The following MOCS1 variants were observed in gnomAD, a reference collection of about 807,000 sequenced individuals.
The protein encoded by MOCS1 is molybdenum cofactor biosynthesis protein 1.
In MOCS1, 39 loss-of-function variants were observed where a neutral mutation model predicts 57.6. That is an observed-to-expected ratio of 0.68 (90% confidence interval 0.52 to 0.88). The LOEUF is 0.88. MOCS1 is among the 40% of genes least tolerant of loss of function. The pLI, the probability that MOCS1 is intolerant of heterozygous loss-of-function variation, is 0.00. For missense variants in MOCS1, 795 were observed against 831.1 expected (o/e 0.96, Z 0.53); for synonymous variants, 334 against 335.7 (o/e 1.00, Z 0.05).
rs746692908 is a variant in MOCS1 at position 39,905,879 on chromosome 6, C to T, written c.*478G>A. On this transcript the variant is annotated 3_prime_UTR_variant, in exon 11 of 11. Transcript: ENST00000340692. ...CACAGACTTAGGGAGGCAGAGCTGC[C>T]GGGGAGAAGTTGGGATCCATTCTTC... The T allele has an allele frequency of 1.6e-4, 74 of 469,970 alleles. No homozygotes were observed. Among genetic ancestry groups the T allele is most frequent in the Non-Finnish European group, 2.5e-4 (57 of 227,374 alleles). 29.1% of individuals were successfully genotyped at this position (469,970 alleles called of 1,614,324 possible). A position where few individuals can be genotyped will look rare whatever the true frequency, so the allele number is the denominator to read the frequency against.
intron 3 of MOCS1, among the ~76,000 whole-genome samples, chr6:39,916,958 C>G (rs893573692): frequency 6.6e-6 from 1 of 152,124 alleles, no homozygotes; most frequent in African/African-American, 2.4e-5. Flanking sequence ...TACTACATGT[C>G]AGGGAGGTTG....
rs1451671194 is a variant in MOCS1 at position 39,905,965 on chromosome 6, T to C, written c.*392A>G. ...TCCTCTGCTTAATGAGCGCTTAATC[T>C]CTCCCCAGGAAAGCAGGAGAAGAGA... On this transcript the variant is annotated 3_prime_UTR_variant, in exon 11 of 11. Coordinates refer to ENST00000340692, the MANE Select transcript of MOCS1 (RefSeq NM_001358530.2). 4.3e-6 allele frequency: 2 copies of C among 462,788 alleles called. No homozygotes were observed. Among genetic ancestry groups the C allele is most frequent in the Non-Finnish European group, 8.6e-6 (2 of 231,354 alleles). The allele number at this position is 462,788 out of a possible 1,614,324, so 28.7% of individuals were successfully genotyped here. A position where few individuals can be genotyped will look rare whatever the true frequency, so the allele number is the denominator to read the frequency against.
In MOCS1 at chr6:39,905,332, A is replaced by G. The variant is rs551296619; in HGVS notation, c.*1025T>C. On this transcript the variant is annotated 3_prime_UTR_variant, in exon 11 of 11. Coordinates refer to ENST00000340692, the MANE Select transcript of MOCS1 (RefSeq NM_001358530.2). ...TAGATGGTGCATTTCTATGCCCCCT[A>G]CTCCACTTTATTTTCCCATAGCGGG... The G allele has an allele frequency of 2.2e-6, 1 of 457,110 alleles. No individual in the cohort carries two copies. Among genetic ancestry groups the G allele is most frequent in the South Asian group, 1.5e-5 (1 of 64,534 alleles). The allele number at this position is 457,110 out of a possible 1,614,324, so 28.3% of individuals were successfully genotyped here.
At chr6:39,915,005 C>T (rs971773141) in intron 4 of MOCS1, among the ~76,000 whole-genome samples, 4 of 152,158 alleles carry the variant, frequency 2.6e-5, no homozygotes, top group African/African-American at 9.7e-5. Flanking sequence ...TGAAACCCTC[C>T]AGTTCCTCAA....
In MOCS1 at chr6:39,904,846, T is replaced by C. The variant is rs758177358; in HGVS notation, c.*1511A>G. On this transcript the variant is annotated 3_prime_UTR_variant, in exon 11 of 11. Transcript: ENST00000340692. ...GAATATATTGTAATACTAAAAAATA[T>C]TAAATTCATACCATCCCTACCCAGT... 9 of 454,012 alleles carry C rather than the reference T, an allele frequency of 2.0e-5. No individual in the cohort carries two copies. Among genetic ancestry groups the C allele is most frequent in the South Asian group, 1.4e-4 (9 of 64,472 alleles). 28.1% of individuals were successfully genotyped at this position (454,012 alleles called of 1,614,324 possible). A position where few individuals can be genotyped will look rare whatever the true frequency, so the allele number is the denominator to read the frequency against.
Position 39,906,524 on chromosome 6 carries a change from G to C in MOCS1, c.1744C>G (p.Arg582Gly), listed in dbSNP as rs146849119. The part of the protein sequence containing the change: ...RHAVKIQASC[R>G]ARGPTGVEME... ...TCCACCCCGGTGGGGCCCCGAGCCC[G>C]GCAAGATGCCTGGATCTTCACGGCA... Residue 582 changes from arginine to glycine, a missense_variant, in exon 11 of 11, where the codon CGG (arginine) becomes GGG (glycine). Transcript: ENST00000340692. 1 of 1,613,860 alleles carries C rather than the reference G, an allele frequency of 6.2e-7. No individual in the cohort carries two copies. The highest frequency in any genetic ancestry group is 1.7e-4 in the Middle Eastern group (1 of 6,054).
chr6:39,908,656 C>T (rs1050826986), intron 10 of MOCS1, among the ~76,000 whole-genome samples: 2 of 152,130 alleles, frequency 1.3e-5, no homozygotes, highest in African/African-American at 2.4e-5. Flanking sequence ...CCAGATACAC[C>T]GTGCATGGAT....
Position 39,912,925 on chromosome 6 carries a change from C to T in MOCS1, c.837G>A (p.Glu279=). 1 of 1,614,192 alleles carries T rather than the reference C, an allele frequency of 6.2e-7. No homozygotes were observed. The highest frequency in any genetic ancestry group is 8.5e-7 in the Non-Finnish European group (1 of 1,180,030). ...DTVRQQWPEL[E]KVPEEESSTA... ...TGCTGGATTCCTCCTCTGGCACCTT[C>T]TCCAGCTCTGGCCACTGCTGCCGGA... Residue 279 remains glutamate (E), a synonymous_variant, in exon 7 of 11, where the codon GAG becomes GAA. Coordinates refer to ENST00000340692, the MANE Select transcript of MOCS1 (RefSeq NM_001358530.2).
In MOCS1 at chr6:39,927,129, A is replaced by G. The variant is rs904873461; in HGVS notation, c.250+200T>C. On this transcript the variant is annotated intron_variant, in intron 2 of 10. Coordinates refer to ENST00000340692, the MANE Select transcript of MOCS1 (RefSeq NM_001358530.2). Reference sequence around the variant, plus strand: ...TCAAATCTAATTCCAAGTAGGACACAGCTTCTATAATCATACAACTCAGCC... The same window carrying G: ...TCAAATCTAATTCCAAGTAGGACACGGCTTCTATAATCATACAACTCAGCC... The G allele has an allele frequency of 8.7e-5, 52 of 597,870 alleles. No homozygotes were observed. The African/African-American group carries it at 9.7e-4, about 11-fold the overall frequency. 37.0% of individuals were successfully genotyped at this position (597,870 alleles called of 1,614,324 possible).
At position 39,905,832 on chromosome 6, in the gene MOCS1, GGA is replaced by G. The variant is rs1491115359; in HGVS notation, c.*523_*524del. ...GGAGAGATGAAGTCAGGACAGGACAGGACAGGGCAGGGCTGCGGCTTCACAGA... is the reference window on the plus strand; with the variant it reads ...GGAGAGATGAAGTCAGGACAGGACAGCAGGGCAGGGCTGCGGCTTCACAGA... On this transcript the variant is annotated 3_prime_UTR_variant, in exon 11 of 11. Coordinates refer to ENST00000340692, the MANE Select transcript of MOCS1 (RefSeq NM_001358530.2). The G allele has an allele frequency of 1.7e-5, 8 of 471,142 alleles. No individual in the cohort carries two copies. The highest frequency in any genetic ancestry group is 1.6e-4 in the African/African-American group (8 of 50,164). The allele number at this position is 471,142 out of a possible 1,614,324, so 29.2% of individuals were successfully genotyped here. A position where few individuals can be genotyped will look rare whatever the true frequency, so the allele number is the denominator to read the frequency against.
In MOCS1 at chr6:39,925,687, C is replaced by G; in HGVS notation, c.409G>C (p.Asp137His). 6.2e-7 allele frequency: 1 copy of G among 1,612,818 alleles called. No homozygotes were observed. The highest frequency in any genetic ancestry group is 8.5e-7 in the Non-Finnish European group (1 of 1,179,992). The change falls in exon 3 of 11, where the codon GAC becomes CAC. Residue 137 changes from aspartate (D) to histidine (H), a missense_variant. By Grantham distance (81) the Asp-to-His change is moderately conservative (BLOSUM62 -1). This residue lies in a region of MOCS1 where 416 missense variants were observed against 392.4 expected (regional missense o/e 1.06). Coordinates refer to ENST00000340692, the MANE Select transcript of MOCS1 (RefSeq NM_001358530.2). Reference sequence around the variant, plus strand: ...CTTTCGTCCAACTCACCCACAATGTCCACCACGTCCGGCCGGATAAGCGGC... The same window carrying G: ...CTTTCGTCCAACTCACCCACAATGTGCACCACGTCCGGCCGGATAAGCGGC... ...GEPLIRPDVV[D>H]IVAQLQRLEG... is the part of the protein sequence containing the mutation.
At chr6:39,925,360 G>A (rs547934372) in intron 3 of MOCS1, among the ~76,000 whole-genome samples, 6 of 152,246 alleles carry the variant, frequency 3.9e-5, no homozygotes, top group East Asian at 1.9e-4. Flanking sequence ...GGGAAAGGTG[G>A]AGAAGCCTGC....
At chr6:39,917,179 C>T (rs1767707476) in intron 3 of MOCS1, among the ~76,000 whole-genome samples, 1 of 152,178 alleles carries the variant, frequency 6.6e-6, no homozygotes, top group Non-Finnish European at 1.5e-5. Context: ...GTTTCATTGA[C>T]TCACAGTTCA....
At chr6:39,920,049 A>G (rs1429985403) in intron 3 of MOCS1, among the ~76,000 whole-genome samples, 1 of 152,198 alleles carries the variant, frequency 6.6e-6, no homozygotes, top group Non-Finnish European at 1.5e-5. Context: ...TTCACAACAT[A>G]TATAAAGAAC....
rs1203848684 is a variant in MOCS1 at position 39,909,954 on chromosome 6, A to T, written c.983T>A (p.Val328Asp). ...LRITADGNLK[V>D]CLFGNSEVSL... ...TACCTCAGAGTTTCCAAAGAGGCAGACCTACATGTGGGTGAGGACAATATG... is the reference window on the plus strand; with the variant it reads ...TACCTCAGAGTTTCCAAAGAGGCAGTCCTACATGTGGGTGAGGACAATATG... The change falls in exon 9 of 11, where the codon GTC (valine) becomes GAC (aspartate). Residue 328 changes from valine (V) to aspartate (D), a missense_variant and splice_region_variant. Physicochemically the swap from Val to Asp is radical, Grantham distance 152 (BLOSUM62 -3). Coordinates refer to ENST00000340692, the MANE Select transcript of MOCS1 (RefSeq NM_001358530.2). The T allele has an allele frequency of 1.2e-6, 2 of 1,613,188 alleles. No individual in the cohort carries two copies. The highest frequency in any genetic ancestry group is 1.7e-6 in the Non-Finnish European group (2 of 1,179,998).
rs951951184 is a variant in MOCS1 at position 39,913,344 on chromosome 6, G to A, written c.730C>T (p.Arg244Cys). Residue 244 changes from arginine (R) to cysteine (C), a missense_variant, in exon 6 of 11, where the codon CGC (arginine) becomes TGC (cysteine). This residue lies in a region of MOCS1 where 416 missense variants were observed against 392.4 expected (regional missense o/e 1.06). Transcript: ENST00000340692. Reference protein sequence around the residue: ...ALTEGLPLDVRFIEYMPFDGN... With the variant: ...ALTEGLPLDVCFIEYMPFDGN... ...TCAAAGGGCATATACTCTATGAAGC[G>A]CACATCCAGGGGGAGGCCCTCAGTC... The A allele has an allele frequency of 1.1e-5, 17 of 1,614,130 alleles. No homozygotes were observed. The highest frequency in any genetic ancestry group is 2.7e-5 in the African/African-American group (2 of 75,036).
At chr6:39,925,987 G>C (rs1165866014) in intron 2 of MOCS1, 142 bp from the exon 3 acceptor site, 6 of 895,858 alleles carry the variant, frequency 6.7e-6, no homozygotes, top group Non-Finnish European at 1.0e-5. Context: ...CTAAACCTGA[G>C]GTGGAAAAAC....
Position 39,915,420 on chromosome 6 carries a change from C to A in MOCS1, c.583+648G>T, listed in dbSNP as rs147891626. Among the ~76,000 whole-genome samples, 8 of 152,222 alleles carry A rather than the reference C, an allele frequency of 5.3e-5. No individual in the cohort carries two copies. The East Asian group carries it at 1.4e-3, about 26-fold the overall frequency. On this transcript the variant is annotated intron_variant, in intron 4 of 10. Transcript: ENST00000340692. Reference sequence around the variant, plus strand: ...GAGTCCTCAGTCATGTACCCCCTCCCAAATATCAAAGGGTATCCCAACCTG... The same window carrying A: ...GAGTCCTCAGTCATGTACCCCCTCCAAAATATCAAAGGGTATCCCAACCTG...
intron 8 of MOCS1, among the ~76,000 whole-genome samples, chr6:39,910,820 C>A (rs1389078813): frequency 1.3e-5 from 2 of 152,166 alleles, no homozygotes; most frequent in Non-Finnish European, 2.9e-5. Flanking sequence ...CTGGTACCAC[C>A]CTCCCCTCCC....
Sources: allele counts gnomAD v4.1 joint callset (sites outside exome capture counted in the v4.1 genomes callset), GRCh38; gene constraint gnomAD v4.1.1; regional missense constraint gnomAD v4.1.1; transcripts MANE v1.5; gene names NCBI Gene and HGNC (gene_info 2026-07-23, HGNC 2026-07-21).